Variants in EDN3 observed in about 807,000 individuals in gnomAD.
The protein encoded by EDN3 is endothelin 3.
In EDN3, 9 loss-of-function variants were observed where a neutral mutation model predicts 21.4. The ratio of observed to expected loss-of-function variants is 0.42; its 90% CI spans 0.25 to 0.73. The LOEUF is 0.73. Among genes scored for constraint, EDN3 ranks in the 30% least tolerant of loss-of-function variants. EDN3 has a pLI of 0.26. For missense variants in EDN3, 327 were observed against 309.4 expected (o/e 1.06, Z -0.43); for synonymous variants, 133 against 126.2 (o/e 1.05, Z -0.36).
At position 59,324,325 on chromosome 20, in the gene EDN3, A is replaced by T. The variant is rs1207095683; in HGVS notation, c.589-6A>T. On this transcript the variant is annotated splice_polypyrimidine_tract_variant and splice_region_variant and intron_variant, in intron 4 of 4. Coordinates refer to ENST00000337938, the MANE Select transcript of EDN3 (RefSeq NM_207034.3). Reference sequence around the variant, plus strand: ...TTTTTTCTTTTGCCCCCTTTCCCCAAGACAGGTTGAAGTCAAGGACCAACA... The same window carrying T: ...TTTTTTCTTTTGCCCCCTTTCCCCATGACAGGTTGAAGTCAAGGACCAACA... 8 of 1,614,106 alleles carry T rather than the reference A, an allele frequency of 5.0e-6. No individual in the cohort carries two copies. The highest frequency in any genetic ancestry group is 6.8e-6 in the Non-Finnish European group (8 of 1,180,016).
intron 2 of EDN3, among the ~76,000 whole-genome samples, chr20:59,307,999 A>C (rs1989545947): frequency 6.6e-6 from 1 of 152,200 alleles, no homozygotes; most frequent in South Asian, 2.1e-4. Flanking sequence ...ATATGTTAAC[A>C]CATGGGCAAA....
In EDN3 at chr20:59,325,360, GCAA is replaced by G. The variant is rs1568849038; in HGVS notation, c.*906_*908del. On this transcript the variant is annotated 3_prime_UTR_variant, in exon 5 of 5. Transcript: ENST00000337938. Reference sequence around the variant, plus strand: ...TGTAAATTCCTGTTTATATAAATTGGCAACAACTTATACCGTCTGACAGTTCAA... The same window carrying G: ...TGTAAATTCCTGTTTATATAAATTGGCAACTTATACCGTCTGACAGTTCAA... 2.0e-5 allele frequency: 3 copies of G among 152,532 alleles called. No individual in the cohort carries two copies. Among genetic ancestry groups the G allele is most frequent in the African/African-American group, 7.2e-5 (3 of 41,440 alleles). 9.4% of individuals were successfully genotyped at this position (152,532 alleles called of 1,614,324 possible).
intron 3 of EDN3, among the ~76,000 whole-genome samples, 199 bp downstream of exon 3, chr20:59,321,392 G>A (rs535116507): frequency 5.3e-5 from 8 of 152,206 alleles, no homozygotes; most frequent in Non-Finnish European, 1.0e-4. Flanking sequence ...GAGATGCAGC[G>A]TCCCCACCCC....
At chr20:59,311,413 C>G (rs888798986) in intron 2 of EDN3, among the ~76,000 whole-genome samples, 2 of 152,134 alleles carry the variant, frequency 1.3e-5, no homozygotes, top group African/African-American at 4.8e-5. Context: ...AGTATACTTA[C>G]AGTTATTTTT....
At chr20:59,320,892 G>A in intron 2 of EDN3, 125 bp from the exon 3 acceptor site, 2 of 956,042 alleles carry the variant, frequency 2.1e-6, no homozygotes, top group Non-Finnish European at 1.6e-6. Flanking sequence ...CTGTAGTGGG[G>A]AGGGTTGTGA....
chr20:59,307,851 ATTT>A (rs35394805), intron 2 of EDN3, among the ~76,000 whole-genome samples: 1 of 143,784 alleles, frequency 7.0e-6, no homozygotes, highest in Non-Finnish European at 1.5e-5. Flanking sequence ...TAATTTAGTA[ATTT>A]TTTTTTTTTT....
intron 2 of EDN3, among the ~76,000 whole-genome samples, chr20:59,306,775 G>T (rs1206752327): frequency 6.6e-6 from 1 of 152,090 alleles, no homozygotes; most frequent in Non-Finnish European, 1.5e-5. Context: ...CCAATAGAAC[G>T]GTTGGATCTG....
chr20:59,308,495 G>A (rs1183050169), intron 2 of EDN3, among the ~76,000 whole-genome samples: 1 of 152,208 alleles, frequency 6.6e-6, no homozygotes, highest in Non-Finnish European at 1.5e-5. Context: ...CTTTGTAGGG[G>A]TTAAGAGCTC....
In EDN3 at chr20:59,322,474, C is replaced by T; in HGVS notation, c.588+57C>T. On this transcript the variant is annotated intron_variant, in intron 4 of 4. Coordinates refer to ENST00000337938, the MANE Select transcript of EDN3 (RefSeq NM_207034.3). This position sits in a 1 kb window ranked among gnomAD's most constrained non-coding sequence, Gnocchi z 4.1. ...GGAGGTGAAGATGTGACGTGTCATT[C>T]CTTCGGGGGTGGGTGGAGGGTGTTT... The T allele has an allele frequency of 1.9e-6, 3 of 1,611,700 alleles. No homozygotes were observed. The highest frequency in any genetic ancestry group is 2.5e-6 in the Non-Finnish European group (3 of 1,177,874).
intron 2 of EDN3, among the ~76,000 whole-genome samples, chr20:59,313,458 T>A (rs1989965715): frequency 6.6e-6 from 1 of 152,172 alleles, no homozygotes; most frequent in South Asian, 2.1e-4. Context: ...TTTTTGAAAA[T>A]GTATGTGATA....
chr20:59,313,339 G>A (rs566095872), intron 2 of EDN3, among the ~76,000 whole-genome samples: 1 of 152,312 alleles, frequency 6.6e-6, no homozygotes, highest in South Asian at 2.1e-4. Context: ...AGGTCCTGCT[G>A]TTGCTGAGCC....
rs563801280 is a variant in EDN3 at position 59,305,406 on chromosome 20, C to T, written c.365+3684C>T. ...ACTGCGGCTGTCCTCTATGAGCAGA[C>T]TGAAGAAACAGATACCAGGTAGCTG... On this transcript the variant is annotated intron_variant, in intron 2 of 4. Coordinates refer to ENST00000337938, the MANE Select transcript of EDN3 (RefSeq NM_207034.3). This position sits in a 1 kb window ranked among gnomAD's most constrained non-coding sequence, Gnocchi z 4.2. Among the ~76,000 whole-genome samples, 1 of 152,304 alleles carries T rather than the reference C, an allele frequency of 6.6e-6. No homozygotes were observed. Among genetic ancestry groups the T allele is most frequent in the South Asian group, 2.1e-4 (1 of 4,830 alleles).
chr20:59,313,711 C>T (rs938430364), intron 2 of EDN3, among the ~76,000 whole-genome samples: 3 of 152,152 alleles, frequency 2.0e-5, no homozygotes, highest in African/African-American at 4.8e-5. Flanking sequence ...AACTTTAAGC[C>T]GTGAGAATTT....
intron 2 of EDN3, among the ~76,000 whole-genome samples, chr20:59,311,728 G>A (rs771981174): frequency 1.3e-4 from 19 of 151,068 alleles, no homozygotes; most frequent in African/African-American, 2.2e-4. Flanking sequence ...TGGACCTCCC[G>A]TCTCATCCAA....
At chr20:59,317,389 A>C (rs1428236441) in intron 2 of EDN3, among the ~76,000 whole-genome samples, 2 of 152,218 alleles carry the variant, frequency 1.3e-5, no homozygotes, top group Non-Finnish European at 2.9e-5. Context: ...TTGACCTCCC[A>C]GACCAGATAA....
At position 59,321,016 on chromosome 20, in the gene EDN3, G is replaced by A; in HGVS notation, c.366-1G>A. The stretch of plus-strand genomic sequence containing the variant: ...ACCTAACATTACCCTGTGCTTTGCA[G>A]ACAGACGGTGCCCTATGGACTGTCC... On this transcript the variant is annotated splice_acceptor_variant, in intron 2 of 4. Transcript: ENST00000337938. LOFTEE classifies it high-confidence loss of function. 1 of 1,614,210 alleles carries A rather than the reference G, an allele frequency of 6.2e-7. No individual in the cohort carries two copies. The highest frequency in any genetic ancestry group is 2.2e-5 in the East Asian group (1 of 44,886).
intron 4 of EDN3, chr20:59,323,771 G>A (rs1990685591): frequency 4.8e-6 from 2 of 417,536 alleles, no homozygotes; most frequent in East Asian, 3.4e-5. Context: ...CTCAGGGAAC[G>A]GCCAGAAGGG....
Position 59,324,388 on chromosome 20 carries a change from A to G in EDN3, c.646A>G (p.Met216Val). 1 of 1,611,984 alleles carries G rather than the reference A, an allele frequency of 6.2e-7. No individual in the cohort carries two copies. Among genetic ancestry groups the G allele is most frequent in the Non-Finnish European group, 8.5e-7 (1 of 1,178,172 alleles). The change falls in exon 5 of 5, where the codon ATG becomes GTG. Residue 216 changes from methionine (M) to valine (V), a missense_variant. Met to Val is a conservative substitution (Grantham distance 21). Transcript: ENST00000337938. ...QALDLHHPKL[M>V]PGSGLALAPS... ...TTTAGACCTCCACCATCCAAAGCTC[A>G]TGCCCGGCAGTGGACTCGCCCTCGC...
chr20:59,315,769 AATG>A (rs1990132684), intron 2 of EDN3, among the ~76,000 whole-genome samples: 1 of 152,128 alleles, frequency 6.6e-6, no homozygotes, highest in Admixed American at 6.6e-5. Flanking sequence ...ACTGGGGCAG[AATG>A]GAGGGTTTAC....
Sources: gnomAD v4.1 joint callset for allele counts (sites outside exome capture counted in the v4.1 genomes callset) on GRCh38, gnomAD v4.1.1 for gene constraint, Gnocchi (gnomAD v3.1) non-coding constraint, MANE v1.5 for transcripts, NCBI Gene and HGNC (gene_info 2026-07-23, HGNC 2026-07-21) for gene names.